Variants in ROBO2 observed in about 807,000 individuals in gnomAD.
ROBO2 encodes the protein roundabout guidance receptor 2.
In ROBO2, 53 loss-of-function variants were observed where a neutral mutation model predicts 160.8. That is an observed-to-expected ratio of 0.33 (90% confidence interval 0.26 to 0.41). The LOEUF is 0.41. Ranked by LOEUF, ROBO2 falls within the 10% of genes least tolerant of loss-of-function variation. The probability of loss-of-function intolerance (pLI) is 1.00; values close to 1 mark genes in which losing one functional copy is unlikely to be tolerated. For synonymous variants in ROBO2, 664 were observed against 611.7 expected (o/e 1.09, Z -1.26); for missense variants, 1,577 against 1,722.4 (o/e 0.92, Z 1.49).
At chr3:76,842,324 C>G (rs1297470156) in intron 2 of ROBO2, among the ~76,000 whole-genome samples, 1 of 152,148 alleles carries the variant, frequency 6.6e-6, no homozygotes, top group Admixed American at 6.5e-5. Context: ...ACTGTGCTGA[C>G]TTTTCAATAA....
chr3:76,999,971 T>A (rs2061250672), intron 2 of ROBO2, among the ~76,000 whole-genome samples: 1 of 152,162 alleles, frequency 6.6e-6, no homozygotes, highest in Admixed American at 6.6e-5. Flanking sequence ...ATAGCAGGTG[T>A]TCACCACATG....
chr3:77,552,649 A>C (rs941424992), intron 8 of ROBO2, among the ~76,000 whole-genome samples: 1 of 152,046 alleles, frequency 6.6e-6, no homozygotes, highest in African/African-American at 2.4e-5. Context: ...ATTAATTCCT[A>C]TATTGATTTT....
intron 3 of ROBO2, among the ~76,000 whole-genome samples, chr3:77,479,492 G>A (rs1239755764): frequency 6.6e-6 from 1 of 152,132 alleles, no homozygotes; most frequent in Non-Finnish European, 1.5e-5. Context: ...TGTTAAGGAA[G>A]TTTCTAATGA....
At chr3:76,152,534 A>G (rs1157226503) in intron 2 of ROBO2, among the ~76,000 whole-genome samples, 1 of 151,954 alleles carries the variant, frequency 6.6e-6, no homozygotes, top group Non-Finnish European at 1.5e-5. Context: ...GGATTTGGGG[A>G]TTGTCCTTCT....
intron 2 of ROBO2, among the ~76,000 whole-genome samples, chr3:76,498,567 A>C (rs1168321859): frequency 6.6e-6 from 1 of 152,008 alleles, no homozygotes; most frequent in African/African-American, 2.4e-5. Flanking sequence ...TGCAAGAAAT[A>C]CATAATTTTT....
At chr3:76,908,285 A>G (rs2075752549) in intron 2 of ROBO2, among the ~76,000 whole-genome samples, 9 of 152,218 alleles carry the variant, frequency 5.9e-5, no homozygotes, top group Admixed American at 5.9e-4. Context: ...GTATTTATGG[A>G]AAAGAATCAG....
At chr3:76,434,406 G>T in intron 2 of ROBO2, 2 of 1,565,704 alleles carry the variant, frequency 1.3e-6, no homozygotes, top group East Asian at 4.5e-5. Context: ...GTCAACGAAA[G>T]TATCCAGGCC....
intron 2 of ROBO2, among the ~76,000 whole-genome samples, chr3:77,206,143 ATCTC>A (rs146646560): frequency 2.0e-5 from 3 of 149,908 alleles, no homozygotes; most frequent in South Asian, 2.1e-4. Context: ...CTCTTCCTGC[ATCTC>A]TCTCTCTCTC....
At chr3:75,984,056 A>G (rs548020933) in intron 2 of ROBO2, among the ~76,000 whole-genome samples, 1 of 151,502 alleles carries the variant, frequency 6.6e-6, no homozygotes, top group South Asian at 2.1e-4. Flanking sequence ...GAAGTGACTG[A>G]AACATCATTA....
At chr3:75,989,012 A>G (rs1185552820) in intron 2 of ROBO2, among the ~76,000 whole-genome samples, 1 of 152,152 alleles carries the variant, frequency 6.6e-6, no homozygotes, top group Non-Finnish European at 1.5e-5. Context: ...TTTGTTTTAT[A>G]AAGATACTTC....
intron 2 of ROBO2, among the ~76,000 whole-genome samples, chr3:77,007,666 C>T (rs2061652238): frequency 6.6e-6 from 1 of 151,988 alleles, no homozygotes; most frequent in Non-Finnish European, 1.5e-5. Flanking sequence ...GCATATATGA[C>T]AGTTTATCCA....
rs182917610 is a variant in ROBO2 at position 76,129,281 on chromosome 3, T to G, written c.109+191679T>G. 6.4e-4 allele frequency among the ~76,000 whole-genome samples: 98 copies of G among 152,254 alleles called. 2 individuals carry two copies. Among genetic ancestry groups the G allele is most frequent in the Middle Eastern group, 3.4e-3 (1 of 294 alleles). ...CAATTTGCTGCTGTACAGTAGTGAA[T>G]GAGATGACGTGCACTCTAAGGATAT... is the stretch of plus-strand genomic sequence containing the variant. On this transcript the variant is annotated intron_variant, in intron 2 of 26. Coordinates refer to the ROBO2 transcript ENST00000487694.
At chr3:77,510,436 G>A (rs931025094) in intron 5 of ROBO2, among the ~76,000 whole-genome samples, 4 of 152,102 alleles carry the variant, frequency 2.6e-5, no homozygotes, top group East Asian at 3.9e-4. Flanking sequence ...GGCAGGATCC[G>A]ACATTTGAAC....
chr3:76,687,997 A>G (rs895276886), intron 2 of ROBO2, among the ~76,000 whole-genome samples: 5 of 151,834 alleles, frequency 3.3e-5, no homozygotes, highest in African/African-American at 9.7e-5. Flanking sequence ...TACTGAAAAT[A>G]TGAAATGTTA....
chr3:77,302,180 G>A (rs530575017), intron 2 of ROBO2, among the ~76,000 whole-genome samples: 58 of 151,414 alleles, frequency 3.8e-4, no homozygotes, highest in African/African-American at 1.3e-3. Flanking sequence ...GGCCTTAAAT[G>A]ATCCTCCTGC....
intron 2 of ROBO2, among the ~76,000 whole-genome samples, chr3:76,759,770 T>C (rs962757034): frequency 6.6e-6 from 1 of 151,804 alleles, no homozygotes; most frequent in Non-Finnish European, 1.5e-5. Context: ...TTGTGGTAAC[T>C]ATCTAGCCAT....
rs113680665 is a variant in ROBO2, at chr3:77,360,898, A to ATT, written c.389-116507_389-116506dup. 3.7e-3 allele frequency among the ~76,000 whole-genome samples: 555 copies of ATT among 149,488 alleles called. 6 individuals carry two copies. The highest frequency in any genetic ancestry group is 0.01 in the African/African-American group (416 of 40,900). On this transcript the variant is annotated intron_variant, in intron 2 of 25. Coordinates refer to ENST00000461745, the Ensembl canonical transcript of ROBO2. ...TGGGTGCTAAAATATTTTTGTTTGC[A>ATT]TTTTTTTTTTCTGGCTACATTAGTT...
chr3:76,759,427 T>G (rs961544435), intron 2 of ROBO2, among the ~76,000 whole-genome samples: 4 of 151,834 alleles, frequency 2.6e-5, no homozygotes, highest in African/African-American at 9.7e-5. Context: ...TCATTAATTA[T>G]TACAATGATG....
At chr3:77,372,262 T>TAA (rs1221370616) in intron 2 of ROBO2, among the ~76,000 whole-genome samples, 1 of 152,114 alleles carries the variant, frequency 6.6e-6, no homozygotes, top group African/African-American at 2.4e-5. Context: ...TTAGGCATAG[T>TAA]CAATTCTTAT....
Sources: allele counts gnomAD v4.1 joint callset (sites outside exome capture counted in the v4.1 genomes callset), GRCh38; gene constraint gnomAD v4.1.1; transcripts MANE v1.5; gene names NCBI Gene and HGNC (gene_info 2026-07-23, HGNC 2026-07-21).